The following GPR137C variants were observed in gnomAD, a reference collection of about 807,000 sequenced individuals.
GPR137C encodes G protein-coupled receptor 137C.
Under a neutral mutation model 43.4 loss-of-function variants are expected in GPR137C, and 27 were observed. The ratio of observed to expected loss-of-function variants is 0.62; its 90% CI spans 0.46 to 0.86. The LOEUF is 0.86. Ranked by LOEUF, GPR137C falls within the 40% of genes least tolerant of loss-of-function variation. GPR137C has a pLI of 0.00. For missense variants in GPR137C, 522 were observed against 534.6 expected (o/e 0.98, Z 0.23); for synonymous variants, 285 against 226.9 (o/e 1.26, Z -2.30).
At chr14:52,568,256 AATGGTGC>A (rs2038403900) in intron 1 of GPR137C, among the ~76,000 whole-genome samples, 1 of 152,096 alleles carries the variant, frequency 6.6e-6, no homozygotes, top group Non-Finnish European at 1.5e-5. Context: ...TGCCTTGAAA[AATGGTGC>A]ATTCCAGCTC....
At chr14:52,595,053 A>C (rs888064039) in intron 1 of GPR137C, among the ~76,000 whole-genome samples, 2 of 151,936 alleles carry the variant, frequency 1.3e-5, no homozygotes, top group African/African-American at 4.8e-5. Context: ...TCTGTAAAGG[A>C]TTTTATTTCT....
At chr14:52,558,156 G>C (rs576899647) in intron 1 of GPR137C, among the ~76,000 whole-genome samples, 1 of 152,086 alleles carries the variant, frequency 6.6e-6, no homozygotes, top group East Asian at 1.9e-4. Context: ...GTGTGTCTTG[G>C]GGGTAGGGCA....
chr14:52,571,772 G>A lies in GPR137C; in HGVS notation c.444+18181G>A, dbSNP rs564172439. Among the ~76,000 whole-genome samples the A allele has an allele frequency of 1.4e-4, 22 of 152,232 alleles. No homozygotes were observed. The South Asian group carries it at 4.4e-3, about 30-fold the overall frequency. On this transcript the variant is annotated intron_variant, in intron 1 of 6. Transcript: ENST00000321662. ...GATCAGAGCAGAACTGAAGGAGATA[G>A]AGATACGAAAAAACCTTCAAAAAAT... is the stretch of plus-strand genomic sequence containing the variant.
In GPR137C at chr14:52,616,283, TTTTG is replaced by T. The variant is rs147673852; in HGVS notation, c.718-15853_718-15850del. ...CTAAAATTCACACATATGTTCTCTT[TTTTG>T]TTTGTTTGTTTGTTTGTTTGTTTTG... On this transcript the variant is annotated intron_variant, in intron 3 of 6. Coordinates refer to ENST00000321662, the MANE Select transcript of GPR137C (RefSeq NM_001099652.2). 2.4e-4 allele frequency among the ~76,000 whole-genome samples: 37 copies of T among 151,828 alleles called. 1 individual carries two copies. The South Asian group carries it at 2.9e-3, about 12-fold the overall frequency.
chr14:52,588,855 T>C lies in GPR137C; in HGVS notation c.445-9417T>C, dbSNP rs147539663. Among the ~76,000 whole-genome samples the C allele has an allele frequency of 5.1e-3, 779 of 152,328 alleles. 5 individuals carry two copies. The highest frequency in any genetic ancestry group is 7.6e-3 in the Non-Finnish European group (517 of 68,026). On this transcript the variant is annotated intron_variant, in intron 1 of 6. Coordinates refer to ENST00000321662, the MANE Select transcript of GPR137C (RefSeq NM_001099652.2). The stretch of plus-strand genomic sequence containing the variant: ...GAGAATTTTCATCTTTAAAGAAGTA[T>C]ACATTGAAGTACTTAGGGCAAAGTA...
In GPR137C at chr14:52,634,950, G is replaced by T. The variant is rs368565116; in HGVS notation, c.1125G>T (p.Ser375=). The T allele has an allele frequency of 9.3e-6, 15 of 1,611,088 alleles. No individual in the cohort carries two copies. The Admixed American group carries it at 2.5e-4, about 27-fold the overall frequency. The change falls in exon 7 of 7, where the codon TCG becomes TCT. Residue 375 remains serine (S), a synonymous_variant. Transcript: ENST00000321662. The part of the protein sequence containing the change: ...GSSREGSLPN[S]QSLGWYGTMT... ...TTTTTTGTTGCAGTTTACCAAATTCGCAAAGTTTGGGCTGGTATGGCACCA... is the reference window on the plus strand; with the variant it reads ...TTTTTTGTTGCAGTTTACCAAATTCTCAAAGTTTGGGCTGGTATGGCACCA...
intron 1 of GPR137C, among the ~76,000 whole-genome samples, chr14:52,574,811 C>A (rs1005081444): frequency 2.0e-5 from 3 of 152,286 alleles, no homozygotes; most frequent in South Asian, 2.1e-4. Context: ...TTTCCCCCAC[C>A]ATTATTAGAT....
intron 3 of GPR137C, among the ~76,000 whole-genome samples, chr14:52,606,825 C>T (rs972955482): frequency 9.2e-5 from 14 of 151,910 alleles, no homozygotes; most frequent in Admixed American, 4.6e-4. Flanking sequence ...TTCTTTCCTT[C>T]TACTAATTTT....
At position 52,571,855 on chromosome 14, in the gene GPR137C, C is replaced by T. The variant is rs568444377; in HGVS notation, c.444+18264C>T. On this transcript the variant is annotated intron_variant, in intron 1 of 6. Coordinates refer to ENST00000321662, the MANE Select transcript of GPR137C (RefSeq NM_001099652.2). ...TTAACAAAATAGACCACTAGCCAGA[C>T]TAATAAAGAAGAAAAGAAAGAGGAA... Among the ~76,000 whole-genome samples the T allele has an allele frequency of 4.6e-5, 7 of 151,992 alleles. No homozygotes were observed. The East Asian group carries it at 1.2e-3, about 25-fold the overall frequency.
chr14:52,609,384 A>T (rs901900537), intron 3 of GPR137C, among the ~76,000 whole-genome samples: 1 of 152,190 alleles, frequency 6.6e-6, no homozygotes, highest in Non-Finnish European at 1.5e-5. Context: ...GAGATCTCAC[A>T]TCTCCATCAC....
At chr14:52,589,864 C>T (rs2038759268) in intron 1 of GPR137C, among the ~76,000 whole-genome samples, 1 of 152,146 alleles carries the variant, frequency 6.6e-6, no homozygotes, top group Admixed American at 6.5e-5. Context: ...GTAAACAAAG[C>T]TGTGCTGCCA....
chr14:52,561,055 A>C (rs1161114078), intron 1 of GPR137C, among the ~76,000 whole-genome samples: 1 of 152,112 alleles, frequency 6.6e-6, no homozygotes, highest in Non-Finnish European at 1.5e-5. Flanking sequence ...TACTTCACAA[A>C]AAAGATATAT....
intron 3 of GPR137C, among the ~76,000 whole-genome samples, chr14:52,610,291 T>C (rs937821696): frequency 3.9e-5 from 6 of 152,254 alleles, no homozygotes; most frequent in African/African-American, 9.6e-5. Flanking sequence ...ATTTGTGTTA[T>C]TCATTTTTCA....
At chr14:52,587,309 CCT>C in intron 1 of GPR137C, among the ~76,000 whole-genome samples, 1 of 152,176 alleles carries the variant, frequency 6.6e-6, no homozygotes, top group African/African-American at 2.4e-5. Flanking sequence ...TTTCTCTCTC[CCT>C]GAGACACTTA....
intron 1 of GPR137C, among the ~76,000 whole-genome samples, chr14:52,569,733 G>A (rs1004832401): frequency 6.6e-6 from 1 of 151,796 alleles, no homozygotes; most frequent in Non-Finnish European, 1.5e-5. Context: ...GTGAAGACAA[G>A]ATTAGAGAAA....
intron 3 of GPR137C, among the ~76,000 whole-genome samples, chr14:52,618,674 A>G (rs2039126480): frequency 6.6e-6 from 1 of 152,192 alleles, no homozygotes; most frequent in Admixed American, 6.5e-5. Context: ...AACTTTTAAC[A>G]TTAAAACGCA....
rs1384007865 is a variant in GPR137C at position 52,629,419 on chromosome 14, T to C, written c.718-2741T>C. Among the ~76,000 whole-genome samples the C allele has an allele frequency of 4.6e-5, 7 of 152,174 alleles. No homozygotes were observed. The South Asian group carries it at 1.0e-3, about 23-fold the overall frequency. ...TTCTCAATTTTCCTGGGTCTCAGTT[T>C]TCTAGGATGTGGGACTTCAGGTGCT... On this transcript the variant is annotated intron_variant, in intron 3 of 6. Transcript: ENST00000321662.
At chr14:52,603,571 T>C (rs1464709748) in intron 3 of GPR137C, among the ~76,000 whole-genome samples, 1 of 152,180 alleles carries the variant, frequency 6.6e-6, no homozygotes, top group Non-Finnish European at 1.5e-5. Context: ...TCTTGCTCTT[T>C]CGCTGAGGCT....
At chr14:52,617,757 A>G (rs2039115875) in intron 3 of GPR137C, among the ~76,000 whole-genome samples, 1 of 152,184 alleles carries the variant, frequency 6.6e-6, no homozygotes, top group African/African-American at 2.4e-5. Context: ...TCTACTGTTT[A>G]TTGGCTGTGT....
Sources: gnomAD v4.1 joint callset for allele counts (sites outside exome capture counted in the v4.1 genomes callset) on GRCh38, gnomAD v4.1.1 for gene constraint, MANE v1.5 for transcripts, NCBI Gene and HGNC (gene_info 2026-07-23, HGNC 2026-07-21) for gene names.